IGHMBP2: variants seen among roughly 807,000 people sequenced by gnomAD.
The protein encoded by IGHMBP2 is immunoglobulin mu DNA binding protein 2.
In IGHMBP2, 81 loss-of-function variants were observed where a neutral mutation model predicts 96.0. The observed-to-expected ratio is 0.84, with a 90% CI of 0.71 to 1.01. IGHMBP2 has a LOEUF of 1.01. IGHMBP2 is among the 50% of genes least tolerant of loss of function. The pLI is 0.00. For missense variants in IGHMBP2, 1,227 were observed against 1,306.3 expected, an observed-to-expected ratio of 0.94 and a Z score of 0.94; for synonymous variants, 557 against 548.9, an observed-to-expected ratio of 1.01 and a Z score of -0.21.
intron 5 of IGHMBP2, among the ~76,000 whole-genome samples, chr11:68,913,782 T>C (rs1858538533): frequency 6.6e-6 from 1 of 152,102 alleles, no homozygotes; most frequent in Non-Finnish European, 1.5e-5. Context: ...TAGCTGGGCA[T>C]GGTGATGCAT....
intron 7 of IGHMBP2, among the ~76,000 whole-genome samples, chr11:68,925,960 T>C (rs1364711757): frequency 6.6e-6 from 1 of 152,138 alleles, no homozygotes; most frequent in Admixed American, 6.6e-5. Flanking sequence ...CCTTCTTGGA[T>C]GTTTAGATTC....
rs147477786 is a variant in IGHMBP2, at chr11:68,933,461, C to G, written c.1398C>G (p.Ser466=). The change falls in exon 9 of 15, where the codon TCC becomes TCG. Residue 466 remains serine (S), a synonymous_variant. Coordinates refer to ENST00000255078, the MANE Select transcript of IGHMBP2 (RefSeq NM_002180.3). ...TTGGGCAGCTCACAGCCCACTCTTC[C>G]GTGGCAAGGCACCTCCTGAGGTGAG... is the stretch of plus-strand genomic sequence containing the variant. The part of the protein sequence containing the change: ...MYLGQLTAHS[S]VARHLLRDLP... 8 of 1,612,560 alleles carry G rather than the reference C, an allele frequency of 5.0e-6. No individual in the cohort carries two copies. The highest frequency in any genetic ancestry group is 6.8e-6 in the Non-Finnish European group (8 of 1,179,708).
chr11:68,923,323 C>T (rs1858945651), intron 7 of IGHMBP2, among the ~76,000 whole-genome samples: 1 of 152,112 alleles, frequency 6.6e-6, no homozygotes, highest in South Asian at 2.1e-4. Flanking sequence ...TTGACTCAGT[C>T]TCCCGAGTAG....
Position 68,915,166 on chromosome 11 carries a change from C to CTTTTTTTTTTTTTTTTTTTT in IGHMBP2, c.912+154_912+173dup, listed in dbSNP as rs71043470. ...TAATAATTTTAAAAATTGGGCTGCC[C>CTTTTTTTTTTTTTTTTTTTT]TTTTTTTTTTTTTTTTTTTTTTTTT... is the stretch of plus-strand genomic sequence containing the variant. On this transcript the variant is annotated intron_variant, in intron 6 of 14. Transcript: ENST00000255078. 199 of 206,358 alleles carry CTTTTTTTTTTTTTTTTTTTT rather than the reference C, an allele frequency of 9.6e-4. 27 individuals are homozygous for CTTTTTTTTTTTTTTTTTTTT. Among genetic ancestry groups the CTTTTTTTTTTTTTTTTTTTT allele is most frequent in the Non-Finnish European group, 1.2e-3 (152 of 123,766 alleles). The allele number at this position is 206,358 out of a possible 1,614,324, so 12.8% of individuals were successfully genotyped here.
chr11:68,906,721 C>G (rs1858213105), intron 2 of IGHMBP2, among the ~76,000 whole-genome samples: 1 of 147,588 alleles, frequency 6.8e-6, no homozygotes, highest in East Asian at 2.0e-4. Flanking sequence ...CGGCTCACTG[C>G]AACCTCCGCC....
Position 68,911,509 on chromosome 11 carries a change from A to G in IGHMBP2, c.617A>G (p.Gln206Arg), listed in dbSNP as rs1858435457. ...GAAGCGGTTTTATTTGCGCTGTCTC[A>G]GAAAGAACTTGCCATCATCCATGGA... ...QKEAVLFALSQKELAIIHGPP... is the reference protein window; with the variant it reads ...QKEAVLFALSRKELAIIHGPP... Residue 206 changes from glutamine (Q) to arginine (R), a missense_variant, in exon 5 of 15, where the codon CAG (glutamine) becomes CGG (arginine). Around this residue, in one of 3 missense-constraint regions of IGHMBP2, gnomAD observed 507 missense variants for 496.9 expected, o/e 1.02. Coordinates refer to ENST00000255078, the MANE Select transcript of IGHMBP2 (RefSeq NM_002180.3). The G allele has an allele frequency of 6.2e-7, 1 of 1,614,142 alleles. No individual in the cohort carries two copies. The highest frequency in any genetic ancestry group is 8.5e-7 in the Non-Finnish European group (1 of 1,179,986).
In IGHMBP2 at chr11:68,929,868, T is replaced by C. The variant is rs3794027; in HGVS notation, c.1235+511T>C. 0.17 allele frequency: 116,230 copies of C among 678,880 alleles called. 16,067 individuals are homozygous for C. The highest frequency in any genetic ancestry group is 0.34 in the South Asian group (4,505 of 13,360). 42.1% of individuals were successfully genotyped at this position (678,880 alleles called of 1,614,324 possible). A position where few individuals can be genotyped will look rare whatever the true frequency, so the allele number is the denominator to read the frequency against. ...GGCTGTCCTGGTGGAGACACTGGAG[T>C]CCTGATGCGGTGGCCTGGCCCAGGC... is the stretch of plus-strand genomic sequence containing the variant. On this transcript the variant is annotated intron_variant, in intron 8 of 14. Coordinates refer to ENST00000255078, the MANE Select transcript of IGHMBP2 (RefSeq NM_002180.3).
At chr11:68,908,060 A>G (rs1858272717) in intron 2 of IGHMBP2, 85 bp from the exon 3 acceptor site, 1 of 1,066,198 alleles carries the variant, frequency 9.4e-7, no homozygotes. Flanking sequence ...AAGATAAAAT[A>G]TTTGAAGTAT....
Position 68,909,752 on chromosome 11 carries a change from C to A in IGHMBP2, c.547+1121C>A, listed in dbSNP as rs527997011. ...AAGTGACTCTCCTGCCTCAGCCTCC[C>A]AAGTAGTTGGGATTACAGGTGCCCG... is the stretch of plus-strand genomic sequence containing the variant. On this transcript the variant is annotated intron_variant, in intron 4 of 14. Transcript: ENST00000255078. 1.1e-3 allele frequency among the ~76,000 whole-genome samples: 160 copies of A among 151,848 alleles called. 1 individual carries two copies. Among genetic ancestry groups the A allele is most frequent in the African/African-American group, 3.7e-3 (154 of 41,408 alleles).
intron 1 of IGHMBP2, among the ~76,000 whole-genome samples, chr11:68,904,364 A>G (rs1185975156): frequency 6.6e-6 from 1 of 152,148 alleles, no homozygotes; most frequent in African/African-American, 2.4e-5. Context: ...TTATTCATTC[A>G]GTAAACATGG....
intron 4 of IGHMBP2, among the ~76,000 whole-genome samples, chr11:68,910,438 GC>G (rs1295662586): frequency 6.6e-6 from 1 of 152,168 alleles, no homozygotes; most frequent in Non-Finnish European, 1.5e-5. Context: ...TTCCATGTTG[GC>G]TTCAGTCTCA....
At position 68,939,712 on chromosome 11, in the gene IGHMBP2, G is replaced by A. The variant is rs1233402005; in HGVS notation, c.2963G>A (p.Arg988Lys). ...CTCAGCAACCAGAGGACCAGCCGGA[G>A]GAAGGAGAGGGGGACGTGACCGGCC... ...SELSNQRTSR[R>K]KERGT Residue 988 changes from arginine (R) to lysine (K), a missense_variant, in exon 15 of 15, where the codon AGG (arginine) becomes AAG (lysine). Physicochemically the swap from Arg to Lys is conservative, Grantham distance 26. This residue lies in a region of IGHMBP2 where 703 missense variants were observed against 770.3 expected (regional missense o/e 0.91). Coordinates refer to ENST00000255078, the MANE Select transcript of IGHMBP2 (RefSeq NM_002180.3). 3 of 1,611,088 alleles carry A rather than the reference G, an allele frequency of 1.9e-6. No individual in the cohort carries two copies. The highest frequency in any genetic ancestry group is 2.5e-6 in the Non-Finnish European group (3 of 1,179,170).
rs146409569 is a variant in IGHMBP2 at position 68,936,668 on chromosome 11, C to T, written c.2188C>T (p.Arg730Trp). Residue 730 changes from arginine to tryptophan, a missense_variant, in exon 13 of 15, where the codon CGG becomes TGG. Physicochemically the swap from Arg to Trp is moderately radical, Grantham distance 101. Around this residue, in one of 3 missense-constraint regions of IGHMBP2, gnomAD observed 703 missense variants for 770.3 expected, o/e 0.91. Coordinates refer to ENST00000255078, the MANE Select transcript of IGHMBP2 (RefSeq NM_002180.3). ...VESQDGVDHF[R>W]AMIVEFMASK... ...GAGCCAAGATGGCGTGGACCACTTC[C>T]GGGCCATGATAGTGGAGTTCATGGC... is the stretch of plus-strand genomic sequence containing the variant. The T allele has an allele frequency of 9.7e-5, 156 of 1,613,866 alleles. No homozygotes were observed. Among genetic ancestry groups the T allele is most frequent in the Middle Eastern group, 6.6e-4 (4 of 6,084 alleles).
At chr11:68,930,361 C>T (rs1034015928) in intron 8 of IGHMBP2, 5 of 1,289,578 alleles carry the variant, frequency 3.9e-6, no homozygotes, top group African/African-American at 1.5e-5. Context: ...TTCCGAGGAC[C>T]GGAAGAAGAT....
Position 68,906,175 on chromosome 11 carries a change from G to A in IGHMBP2, c.193G>A (p.Val65Ile). The change falls in exon 2 of 15, where the codon GTC becomes ATC. Residue 65 changes from valine (V) to isoleucine (I), a missense_variant. Transcript: ENST00000255078. ...QRTGLYGRLL[V>I]TFEPRRYGSA... ...CACTGGGCTGTACGGACGGCTGCTG[G>A]TCACCTTTGAGCCCAGGCGATACGG... 1 of 1,614,176 alleles carries A rather than the reference G, an allele frequency of 6.2e-7. No individual in the cohort carries two copies. Among genetic ancestry groups the A allele is most frequent in the Non-Finnish European group, 8.5e-7 (1 of 1,180,044 alleles).
chr11:68,934,112 G>A (rs1002211858), intron 10 of IGHMBP2, 199 bp downstream of exon 10: 3 of 628,340 alleles, frequency 4.8e-6, no homozygotes, highest in Admixed American at 2.4e-5. Flanking sequence ...TGGGTGAGAT[G>A]GGCCTGGCAG....
chr11:68,938,238 G>A lies in IGHMBP2; in HGVS notation c.2668G>A (p.Ala890Thr), dbSNP rs138607722. The part of the protein sequence containing the change: ...EEDFEALVSA[A>T]VKADNTCGFA... ...GGACTTTGAGGCCCTGGTTTCTGCC[G>A]CCGTTAAGGCTGATAACACCTGCGG... is the stretch of plus-strand genomic sequence containing the variant. Residue 890 changes from alanine to threonine, a missense_variant, in exon 14 of 15, where the codon GCC (alanine) becomes ACC (threonine). Physicochemically the swap from Ala to Thr is moderately conservative, Grantham distance 58. Around this residue, in one of 3 missense-constraint regions of IGHMBP2, gnomAD observed 703 missense variants for 770.3 expected, o/e 0.91. Coordinates refer to ENST00000255078, the MANE Select transcript of IGHMBP2 (RefSeq NM_002180.3). 24 of 1,613,928 alleles carry A rather than the reference G, an allele frequency of 1.5e-5. 1 individual carries two copies. The African/African-American group carries it at 1.9e-4, about 13-fold the overall frequency.
intron 7 of IGHMBP2, among the ~76,000 whole-genome samples, chr11:68,918,635 C>A (rs1285380209): frequency 6.6e-6 from 1 of 151,894 alleles, no homozygotes; most frequent in East Asian, 1.9e-4. Context: ...GAGCAAGACT[C>A]CGCCTCAAAA....
intron 5 of IGHMBP2, among the ~76,000 whole-genome samples, chr11:68,912,626 A>G (rs530642581): frequency 1.3e-5 from 2 of 152,128 alleles, no homozygotes; most frequent in African/African-American, 4.8e-5. Flanking sequence ...GAATTGGAAT[A>G]ATGGCCAGTT....
Sources: gnomAD v4.1 joint callset for allele counts (sites outside exome capture counted in the v4.1 genomes callset) on GRCh38, gnomAD v4.1.1 for gene constraint, gnomAD v4.1.1 regional missense constraint, MANE v1.5 for transcripts, NCBI Gene and HGNC (gene_info 2026-07-23, HGNC 2026-07-21) for gene names.